Variants in ASPH observed in about 807,000 individuals in gnomAD.
ASPH encodes aspartyl/asparaginyl beta-hydroxylase.
In ASPH, 100 loss-of-function variants were observed where a neutral mutation model predicts 118.4. The ratio of observed to expected loss-of-function variants is 0.84; its 90% CI spans 0.72 to 1.00. ASPH has a LOEUF of 1.00. Ranked by LOEUF, ASPH falls within the 50% of genes least tolerant of loss-of-function variation. The pLI, the probability that ASPH is intolerant of heterozygous loss-of-function variation, is 0.00. For missense variants in ASPH, 920 were observed against 919.5 expected, an observed-to-expected ratio of 1.00 and a Z score of -0.01; for synonymous variants, 315 against 325.6, an observed-to-expected ratio of 0.97 and a Z score of 0.35.
At chr8:61,649,364 G>A (rs1241779327) in intron 5 of ASPH, among the ~76,000 whole-genome samples, 1 of 152,114 alleles carries the variant, frequency 6.6e-6, no homozygotes, top group Non-Finnish European at 1.5e-5. Flanking sequence ...ACTGGGGTGA[G>A]GAGGAGCTAT....
chr8:61,522,394 G>A (rs1383113841), intron 22 of ASPH, among the ~76,000 whole-genome samples: 2 of 152,112 alleles, frequency 1.3e-5, no homozygotes, highest in African/African-American at 2.4e-5. Context: ...TTTCTCCTGA[G>A]GCCTCTTTTC....
chr8:61,681,188 G>C (rs1346459368), intron 2 of ASPH, 152 bp from the exon 3 acceptor site: 1 of 522,984 alleles, frequency 1.9e-6, no homozygotes, highest in African/African-American at 2.0e-5. Flanking sequence ...AGTGTCAAAT[G>C]AATATCTTAC....
At chr8:61,593,104 C>G (rs1454717779) in intron 14 of ASPH, among the ~76,000 whole-genome samples, 1 of 152,182 alleles carries the variant, frequency 6.6e-6, no homozygotes, top group Non-Finnish European at 1.5e-5. Context: ...TGATGCCTCA[C>G]ACTGGGGTCT....
At chr8:61,602,740 C>T (rs1368126003) in intron 14 of ASPH, among the ~76,000 whole-genome samples, 1 of 151,148 alleles carries the variant, frequency 6.6e-6, no homozygotes, top group Non-Finnish European at 1.5e-5. Flanking sequence ...TGGATATGGT[C>T]ATTATCTTGA....
At chr8:61,573,628 T>C (rs1320948286) in intron 16 of ASPH, among the ~76,000 whole-genome samples, 1 of 152,210 alleles carries the variant, frequency 6.6e-6, no homozygotes, top group African/African-American at 2.4e-5. Context: ...ATTCCCTATT[T>C]AATAAATGGT....
Position 61,576,111 on chromosome 8 carries a change from C to T in ASPH, c.1149+661G>A, listed in dbSNP as rs371884490. 1.4e-3 allele frequency among the ~76,000 whole-genome samples: 211 copies of T among 152,326 alleles called. 2 individuals are homozygous for T. Among genetic ancestry groups the T allele is most frequent in the African/African-American group, 4.7e-3 (195 of 41,556 alleles). On this transcript the variant is annotated intron_variant, in intron 16 of 24. Coordinates refer to ENST00000379454, the MANE Select transcript of ASPH (RefSeq NM_004318.4). ...TGTCTCTGTGAGCATAATAAACTTG[C>T]TTTTTCCTAATCCTGTCCTGTGAGA... is the stretch of plus-strand genomic sequence containing the variant.
chr8:61,565,402 AAG>A (rs1831354081), intron 17 of ASPH, among the ~76,000 whole-genome samples: 2 of 152,174 alleles, frequency 1.3e-5, no homozygotes, highest in South Asian at 4.1e-4. Flanking sequence ...GTATCACAGG[AAG>A]AGTTTTTTAT....
chr8:61,702,903 C>G (rs1270610283), intron 1 of ASPH, among the ~76,000 whole-genome samples: 1 of 151,964 alleles, frequency 6.6e-6, no homozygotes, highest in East Asian at 1.9e-4. Flanking sequence ...CCGTACTAAT[C>G]ACAATTCTTA....
chr8:61,566,689 A>G (rs1831806623), intron 17 of ASPH, among the ~76,000 whole-genome samples: 1 of 152,212 alleles, frequency 6.6e-6, no homozygotes. Flanking sequence ...ACCTTCAGCA[A>G]CCACCACCCT....
chr8:61,684,409 T>G (rs1829577272), intron 1 of ASPH: 1 of 486,252 alleles, frequency 2.1e-6, no homozygotes, highest in Non-Finnish European at 3.6e-6. Flanking sequence ...GGAAATAAAC[T>G]CCTGAATTTT....
intron 18 of ASPH, among the ~76,000 whole-genome samples, chr8:61,559,650 G>A (rs948130738): frequency 1.3e-5 from 2 of 152,156 alleles, no homozygotes; most frequent in Admixed American, 1.3e-4. Context: ...TTTTCTGGCA[G>A]TTAAATAGAA....
chr8:61,517,444 A>C, intron 24 of ASPH, 84 bp downstream of exon 24: 1 of 1,529,246 alleles, frequency 6.5e-7, no homozygotes, highest in Non-Finnish European at 8.9e-7. Context: ...AAAGAAGATA[A>C]GTAATCCAAA....
chr8:61,664,428 G>A (rs1818458295), intron 3 of ASPH: 1 of 981,122 alleles, frequency 1.0e-6, no homozygotes, highest in African/African-American at 1.8e-5. Flanking sequence ...AAATAAAAGT[G>A]TTCTGAAACT....
At chr8:61,578,607 A>C in intron 15 of ASPH, 1 of 1,536,488 alleles carries the variant, frequency 6.5e-7, no homozygotes, top group Non-Finnish European at 8.9e-7. Context: ...GCAGCAGCAG[A>C]AGATGGCTCG....
rs78848484 is a variant in ASPH at position 61,700,205 on chromosome 8, C to G, written c.103+14064G>C. Among the ~76,000 whole-genome samples the G allele has an allele frequency of 3.5e-3, 533 of 152,294 alleles. 3 individuals carry two copies. The highest frequency in any genetic ancestry group is 0.02 in the Middle Eastern group (6 of 294). On this transcript the variant is annotated intron_variant, in intron 1 of 24. Transcript: ENST00000379454. ...AGAACTCACATGGGCAGTGTTTGAG[C>G]ACCTGTCACTTGTGAATAACCATGC...
At chr8:61,704,299 CA>C (rs1310796816) in intron 1 of ASPH, among the ~76,000 whole-genome samples, 1 of 141,764 alleles carries the variant, frequency 7.1e-6, no homozygotes, top group Non-Finnish European at 1.5e-5. Context: ...GCACCAAAAG[CA>C]ATCCAATAAT....
chr8:61,651,303 T>A (rs16927692), intron 4 of ASPH, 179 bp from the exon 5 acceptor site: 1 of 455,264 alleles, frequency 2.2e-6, no homozygotes. Context: ...ATGGTAGATA[T>A]GTAAAATTTG....
chr8:61,707,077 A>G (rs1004274209), intron 1 of ASPH, among the ~76,000 whole-genome samples: 8 of 152,252 alleles, frequency 5.3e-5, no homozygotes, highest in African/African-American at 1.2e-4. Flanking sequence ...TCTTACAAAA[A>G]GTATAAAGGT....
At chr8:61,638,752 C>T (rs1204693344) in intron 10 of ASPH, among the ~76,000 whole-genome samples, 1 of 152,104 alleles carries the variant, frequency 6.6e-6, no homozygotes, top group African/African-American at 2.4e-5. Context: ...ACACCTCTGC[C>T]GCCAGCCCCT....
Sources: gnomAD v4.1 joint callset for allele counts (sites outside exome capture counted in the v4.1 genomes callset) on GRCh38, gnomAD v4.1.1 for gene constraint, MANE v1.5 for transcripts, NCBI Gene and HGNC (gene_info 2026-07-23, HGNC 2026-07-21) for gene names.